BABAM2: variants seen among roughly 807,000 people sequenced by gnomAD.
BABAM2 encodes the protein BRISC and BRCA1-A complex member 2.
In BABAM2, 31 loss-of-function variants were observed where a neutral mutation model predicts 54.7. The ratio of observed to expected loss-of-function variants is 0.57; its 90% CI spans 0.43 to 0.77. The LOEUF (loss-of-function observed/expected upper bound fraction) is 0.77, where lower values mean the gene tolerates loss of function less well. Among genes scored for constraint, BABAM2 ranks in the 30% least tolerant of loss-of-function variants. The probability of loss-of-function intolerance (pLI) is 0.00; values close to 1 mark genes in which losing one functional copy is unlikely to be tolerated. For missense variants in BABAM2, 364 were observed against 455.8 expected (o/e 0.80, Z 1.83); for synonymous variants, 167 against 162.9 (o/e 1.03, Z -0.19).
At chr2:28,123,028 T>A (rs1669210078) in intron 6 of BABAM2, among the ~76,000 whole-genome samples, 1 of 152,224 alleles carries the variant, frequency 6.6e-6, no homozygotes, top group African/African-American at 2.4e-5. Flanking sequence ...TCATTTATAC[T>A]GTCAGTCCTG....
chr2:27,952,761 G>A lies in BABAM2; in HGVS notation c.205+22853G>A, dbSNP rs528589775. Among the ~76,000 whole-genome samples, 16 of 152,166 alleles carry A rather than the reference G, an allele frequency of 1.1e-4. No homozygotes were observed. In the East Asian group the frequency reaches 1.7e-3, roughly 17 times the overall value. Reference sequence around the variant, plus strand: ...TAGCATTATCCGACCACTGATCTCCGTTGATTTTCACTAGGTCTGCTTCAG... The same window carrying A: ...TAGCATTATCCGACCACTGATCTCCATTGATTTTCACTAGGTCTGCTTCAG... On this transcript the variant is annotated intron_variant, in intron 3 of 11. Coordinates refer to ENST00000379624, the MANE Select transcript of BABAM2 (RefSeq NM_199191.3).
intron 11 of BABAM2, chr2:28,307,574 T>C (rs1688671569): frequency 6.6e-6 from 1 of 152,144 alleles, no homozygotes; most frequent in Non-Finnish European, 1.5e-5. Flanking sequence ...CTACCGTGAA[T>C]TAATATTATA....
chr2:28,038,408 G>A (rs1161589565), intron 5 of BABAM2, among the ~76,000 whole-genome samples: 3 of 152,104 alleles, frequency 2.0e-5, no homozygotes, highest in South Asian at 2.1e-4. Context: ...CATTCAGGGG[G>A]TACACGTACA....
intron 4 of BABAM2, among the ~76,000 whole-genome samples, chr2:28,022,118 T>C (rs1675315087): frequency 5.3e-5 from 8 of 152,140 alleles, no homozygotes; most frequent in Admixed American, 5.2e-4. Context: ...TGGGAGCACA[T>C]AGGTACGTGA....
chr2:27,939,948 A>G (rs1018787540), intron 3 of BABAM2, among the ~76,000 whole-genome samples: 2 of 152,304 alleles, frequency 1.3e-5, no homozygotes, highest in East Asian at 1.9e-4. Flanking sequence ...GAATGATATT[A>G]TTGTTTCCTC....
intron 7 of BABAM2, among the ~76,000 whole-genome samples, chr2:28,210,812 G>C (rs1458469319): frequency 6.6e-6 from 1 of 152,196 alleles, no homozygotes; most frequent in Non-Finnish European, 1.5e-5. Context: ...CAAAAGAATA[G>C]TGGGTAAGAG....
intron 2 of BABAM2, among the ~76,000 whole-genome samples, chr2:27,906,709 A>G (rs1666210037): frequency 6.6e-6 from 1 of 152,168 alleles, no homozygotes; most frequent in Non-Finnish European, 1.5e-5. Context: ...AGGTTGATGT[A>G]GGGGAAGAAG....
At chr2:27,914,747 AT>A (rs1167544954) in intron 2 of BABAM2, among the ~76,000 whole-genome samples, 3 of 152,204 alleles carry the variant, frequency 2.0e-5, no homozygotes, top group African/African-American at 7.2e-5. Flanking sequence ...GCTAAGTATC[AT>A]TGCTTAACAA....
intron 11 of BABAM2, among the ~76,000 whole-genome samples, chr2:28,316,799 T>C (rs1689597071): frequency 6.6e-6 from 1 of 152,216 alleles, no homozygotes; most frequent in Non-Finnish European, 1.5e-5. Flanking sequence ...TTCAGTGCAC[T>C]GTGCCCTGGC....
intron 6 of BABAM2, among the ~76,000 whole-genome samples, chr2:28,117,318 A>C (rs945126893): frequency 6.6e-6 from 1 of 152,238 alleles, no homozygotes; most frequent in Non-Finnish European, 1.5e-5. Flanking sequence ...CCTTTTTAGC[A>C]CTTAATTCTG....
chr2:28,168,611 G>T (rs1158550848), intron 7 of BABAM2, among the ~76,000 whole-genome samples: 1 of 152,026 alleles, frequency 6.6e-6, no homozygotes, highest in African/African-American at 2.4e-5. Context: ...TACCTTTTTT[G>T]TCCAATGCGT....
chr2:28,025,242 A>G lies in BABAM2; in HGVS notation c.317A>G (p.Asn106Ser). 1 of 1,590,698 alleles carries G rather than the reference A, an allele frequency of 6.3e-7. No individual in the cohort carries two copies. Among genetic ancestry groups the G allele is most frequent in the Non-Finnish European group, 8.5e-7 (1 of 1,173,700 alleles). Residue 106 changes from asparagine (N) to serine (S), a missense_variant, in exon 5 of 12, where the codon AAT becomes AGT. By Grantham distance (46) the Asn-to-Ser change is conservative (BLOSUM62 1). Transcript: ENST00000379624. ...PSALQNLASW[N>S]PSNPECLLLV... ...CTTCTACAGAATCTTGCCTCCTGGAATCCTTCAAATCCTGAATGTCTCTTA... is the reference window on the plus strand; with the variant it reads ...CTTCTACAGAATCTTGCCTCCTGGAGTCCTTCAAATCCTGAATGTCTCTTA...
chr2:28,260,868 T>C (rs1272024902), intron 10 of BABAM2, among the ~76,000 whole-genome samples: 2 of 152,192 alleles, frequency 1.3e-5, no homozygotes, highest in African/African-American at 2.4e-5. Flanking sequence ...CTTGCACATC[T>C]TTTGTTAAAT....
intron 2 of BABAM2, among the ~76,000 whole-genome samples, chr2:27,914,321 C>T (rs1174623268): frequency 1.3e-5 from 2 of 152,254 alleles, no homozygotes; most frequent in East Asian, 3.9e-4. Context: ...TAGCTCTTGT[C>T]ACAATATAGA....
At chr2:28,286,942 A>G (rs193252422) in intron 10 of BABAM2, among the ~76,000 whole-genome samples, 1 of 152,262 alleles carries the variant, frequency 6.6e-6, no homozygotes, top group East Asian at 1.9e-4. Flanking sequence ...TCCTTTAGGG[A>G]AAAAAGTTAG....
chr2:28,177,083 A>T (rs572813865), intron 7 of BABAM2, among the ~76,000 whole-genome samples: 1 of 152,110 alleles, frequency 6.6e-6, no homozygotes, highest in Non-Finnish European at 1.5e-5. Context: ...ATAAAATCCA[A>T]AAAGGTTCTT....
upstream of BABAM2, chr2:27,890,177 C>T: frequency 7.2e-7 from 1 of 1,394,746 alleles, no homozygotes; most frequent in Admixed American, 1.8e-5. The surrounding 1 kb of genome is among the most constrained non-coding windows in gnomAD (Gnocchi z 4.8). Flanking sequence ...GACCCAGCGC[C>T]CAAAAGCTCC....
At chr2:27,912,798 C>T (rs180705060) in intron 2 of BABAM2, among the ~76,000 whole-genome samples, 23 of 152,276 alleles carry the variant, frequency 1.5e-4, no homozygotes, top group Admixed American at 6.5e-4. Context: ...GTTGGAGCTA[C>T]ATCTGGATGG....
In BABAM2 at chr2:27,992,545, G is replaced by A. The variant is rs1253432089; in HGVS notation, c.300+4458G>A. 5.3e-5 allele frequency among the ~76,000 whole-genome samples: 8 copies of A among 152,230 alleles called. 1 individual carries two copies. The highest frequency in any genetic ancestry group is 4.1e-4 in the South Asian group (2 of 4,820). On this transcript the variant is annotated intron_variant, in intron 4 of 11. Coordinates refer to ENST00000379624, the MANE Select transcript of BABAM2 (RefSeq NM_199191.3). ...AATTGAAACAAAAGCAATGCTATGG[G>A]GTAGTTAAATACTGTTTTTCACGTA...
Sources: allele counts gnomAD v4.1 joint callset (sites outside exome capture counted in the v4.1 genomes callset), GRCh38; gene constraint gnomAD v4.1.1; non-coding constraint Gnocchi (gnomAD v3.1); transcripts MANE v1.5; gene names NCBI Gene and HGNC (gene_info 2026-07-23, HGNC 2026-07-21).